SERTM1: variants seen among roughly 807,000 people sequenced by gnomAD.
SERTM1 encodes the protein serine-rich and transmembrane domain-containing protein 1.
A neutral mutation model predicts 5.5 loss-of-function variants in SERTM1; 1 was observed. The ratio of observed to expected loss-of-function variants is 0.18; its 90% CI spans 0.06 to 0.86. The LOEUF (loss-of-function observed/expected upper bound fraction) is 0.86, where lower values mean the gene tolerates loss of function less well. Ranked by LOEUF, SERTM1 falls within the 40% of genes least tolerant of loss-of-function variation. The pLI is 0.69. For synonymous variants in SERTM1, 52 were observed against 55.1 expected, an observed-to-expected ratio of 0.94 and a Z score of 0.25; for missense variants, 91 against 122.4, an observed-to-expected ratio of 0.74 and a Z score of 1.21.
intron 1 of SERTM1, among the ~76,000 whole-genome samples, chr13:36,685,251 G>C (rs1321752601): frequency 2.0e-5 from 3 of 152,150 alleles, no homozygotes; most frequent in Non-Finnish European, 4.4e-5. Flanking sequence ...TGGCAGGCTC[G>C]GCCGCTGTGT....
At chr13:36,694,115 G>A (rs1163680776) in intron 1 of SERTM1, among the ~76,000 whole-genome samples, 1 of 152,088 alleles carries the variant, frequency 6.6e-6, no homozygotes, top group Non-Finnish European at 1.5e-5. Flanking sequence ...ATAACACCAT[G>A]GGAAGATGAA....
intron 1 of SERTM1, among the ~76,000 whole-genome samples, chr13:36,694,346 G>T (rs1202647749): frequency 6.6e-6 from 1 of 152,112 alleles, no homozygotes; most frequent in African/African-American, 2.4e-5. Flanking sequence ...GTAAAACAAA[G>T]TACCTAGGTA....
intron 1 of SERTM1, among the ~76,000 whole-genome samples, chr13:36,685,178 C>T (rs957644314): frequency 6.6e-6 from 1 of 152,214 alleles, no homozygotes; most frequent in African/African-American, 2.4e-5. Flanking sequence ...AACATGTAGA[C>T]ATTTTCTTTA....
At chr13:36,688,220 T>G in intron 1 of SERTM1, among the ~76,000 whole-genome samples, 1 of 144,136 alleles carries the variant, frequency 6.9e-6, no homozygotes, top group Admixed American at 7.0e-5. Context: ...ATTTCATGTA[T>G]TTTTTTTTTT....
Position 36,695,721 on chromosome 13 carries a change from T to G in SERTM1, c.*319T>G. 1 of 303,692 alleles carries G rather than the reference T, an allele frequency of 3.3e-6. No individual in the cohort carries two copies. The highest frequency in any genetic ancestry group is 6.4e-6 in the Non-Finnish European group (1 of 156,228). The allele number at this position is 303,692 out of a possible 1,614,324, so 18.8% of individuals were successfully genotyped here. ...AGGCTCATCTGAGGTGGCCTCTCCG[T>G]GGATGCTGGACATGGACTCGCACTT... On this transcript the variant is annotated 3_prime_UTR_variant, in exon 2 of 2. Coordinates refer to ENST00000315190, the MANE Select transcript of SERTM1 (RefSeq NM_203451.3).
intron 1 of SERTM1, among the ~76,000 whole-genome samples, chr13:36,685,120 C>T (rs2056731725): frequency 6.6e-6 from 1 of 152,168 alleles, no homozygotes; most frequent in African/African-American, 2.4e-5. Flanking sequence ...ACTTGATTTC[C>T]ACCCACACTT....
chr13:36,687,529 A>G (rs1018113676), intron 1 of SERTM1, among the ~76,000 whole-genome samples: 1 of 151,982 alleles, frequency 6.6e-6, no homozygotes, highest in Admixed American at 6.6e-5. Flanking sequence ...AATTGTGCCT[A>G]TACACATGAT....
chr13:36,695,180 C>T lies in SERTM1; in HGVS notation c.102C>T (p.Ser34=), dbSNP rs771593469. The T allele has an allele frequency of 6.2e-7, 1 of 1,614,170 alleles. No homozygotes were observed. The highest frequency in any genetic ancestry group is 8.5e-7 in the Non-Finnish European group (1 of 1,179,974). The part of the protein sequence containing the change: ...PTSLSTSVDP[S]SGHLSNVYIY... The stretch of plus-strand genomic sequence containing the variant: ...CCCTGTCCACGTCAGTGGACCCATC[C>T]TCAGGCCACCTGTCAAACGTCTACA... Residue 34 remains serine, a synonymous_variant, in exon 2 of 2, where the codon TCC becomes TCT. Transcript: ENST00000315190.
At chr13:36,676,570 A>C (rs1051932763) in intron 1 of SERTM1, among the ~76,000 whole-genome samples, 2 of 150,370 alleles carry the variant, frequency 1.3e-5, no homozygotes, top group Admixed American at 1.3e-4. Flanking sequence ...TACATTTCTG[A>C]ATGGCCCTGG....
At chr13:36,676,158 C>CT (rs1053263644) in intron 1 of SERTM1, among the ~76,000 whole-genome samples, 4 of 152,008 alleles carry the variant, frequency 2.6e-5, no homozygotes, top group Non-Finnish European at 5.9e-5. Flanking sequence ...TCCTGGGTTT[C>CT]TTTTTCTTTT....
chr13:36,684,221 C>A (rs946282220), intron 1 of SERTM1, among the ~76,000 whole-genome samples: 1 of 152,062 alleles, frequency 6.6e-6, no homozygotes, highest in African/African-American at 2.4e-5. Context: ...CGCTTGAACC[C>A]AGGAGGCAGA....
intron 1 of SERTM1, among the ~76,000 whole-genome samples, chr13:36,682,716 C>A (rs2056713202): frequency 1.3e-5 from 2 of 152,074 alleles, no homozygotes; most frequent in Admixed American, 6.5e-5. Flanking sequence ...TCATAAGGGA[C>A]AGACCATATA....
rs370840653 is a variant in SERTM1, at chr13:36,690,516, C to G, written c.-173-4390C>G. On this transcript the variant is annotated intron_variant, in intron 1 of 1. Coordinates refer to ENST00000315190, the MANE Select transcript of SERTM1 (RefSeq NM_203451.3). ...GGAAGTGTGTATTGTCAGCAGTAAT[C>G]TTCTCTCAGCTAGCATGACCTAAAA... 1.5e-3 allele frequency among the ~76,000 whole-genome samples: 228 copies of G among 152,250 alleles called. 1 individual carries two copies. The highest frequency in any genetic ancestry group is 4.8e-3 in the African/African-American group (200 of 41,568).
chr13:36,691,152 C>T (rs1488699930), intron 1 of SERTM1, among the ~76,000 whole-genome samples: 1 of 152,222 alleles, frequency 6.6e-6, no homozygotes, highest in Non-Finnish European at 1.5e-5. Context: ...CATGCGCTGA[C>T]TGCCATGGGT....
chr13:36,681,429 G>T (rs1245272503), intron 1 of SERTM1, among the ~76,000 whole-genome samples: 1 of 152,146 alleles, frequency 6.6e-6, no homozygotes, highest in Non-Finnish European at 1.5e-5. Flanking sequence ...TTGAACATTT[G>T]ATAAAAATGT....
chr13:36,690,661 C>T (rs1262400560), intron 1 of SERTM1, among the ~76,000 whole-genome samples: 1 of 152,178 alleles, frequency 6.6e-6, no homozygotes, highest in Non-Finnish European at 1.5e-5. Flanking sequence ...CAGCTTTGCT[C>T]AGATATGATA....
intron 1 of SERTM1, among the ~76,000 whole-genome samples, chr13:36,680,838 C>T (rs146688407): frequency 4.0e-4 from 61 of 152,180 alleles, no homozygotes; most frequent in Admixed American, 2.5e-3. Flanking sequence ...CTATAACCTC[C>T]GCCTCCCGGT....
rs115812446 is a variant in SERTM1, at chr13:36,683,276, A to C, written c.-174+9092A>C. 6.1e-3 allele frequency among the ~76,000 whole-genome samples: 934 copies of C among 152,250 alleles called. 11 individuals are homozygous for C. The highest frequency in any genetic ancestry group is 0.022 in the African/African-American group (897 of 41,558). ...TAAATCTCATGCCCTTAAACCTAAC[A>C]CTTCTATGAAATTAAAGCTAACCAA... is the stretch of plus-strand genomic sequence containing the variant. On this transcript the variant is annotated intron_variant, in intron 1 of 1. Transcript: ENST00000315190.
intron 1 of SERTM1, among the ~76,000 whole-genome samples, chr13:36,685,872 A>G (rs755839537): frequency 6.6e-6 from 1 of 152,074 alleles, no homozygotes; most frequent in Non-Finnish European, 1.5e-5. Context: ...TGAAGTCCCT[A>G]CTTTGAACCT....
Sources: allele counts gnomAD v4.1 joint callset (sites outside exome capture counted in the v4.1 genomes callset), GRCh38; gene constraint gnomAD v4.1.1; transcripts MANE v1.5; gene names NCBI Gene and HGNC (gene_info 2026-07-23, HGNC 2026-07-21).